Variants in TENM3 observed in about 807,000 individuals in gnomAD.
TENM3 encodes the protein teneurin-3.
In TENM3, 63 loss-of-function variants were observed where a neutral mutation model predicts 255.1. The observed-to-expected ratio is 0.25, with a 90% CI of 0.20 to 0.30. TENM3 has a LOEUF of 0.30. Ranked by LOEUF, TENM3 falls within the 10% of genes least tolerant of loss-of-function variation. The pLI, the probability that TENM3 is intolerant of heterozygous loss-of-function variation, is 1.00. For missense variants in TENM3, 2,929 were observed against 3,461.1 expected (o/e 0.85, Z 3.86); for synonymous variants, 1,306 against 1,322.3 (o/e 0.99, Z 0.27).
chr4:182,559,884 T>C (rs895225644), intron 3 of TENM3, among the ~76,000 whole-genome samples: 3 of 152,092 alleles, frequency 2.0e-5, no homozygotes, highest in African/African-American at 4.8e-5. Context: ...AATAATAATT[T>C]AATTGTACAT....
At chr4:182,236,304 C>T (rs1401846096) in intron 1 of TENM3, among the ~76,000 whole-genome samples, 1 of 152,140 alleles carries the variant, frequency 6.6e-6, no homozygotes, top group Admixed American at 6.5e-5. Context: ...TAAAGAATGC[C>T]TCCTGATAGA....
chr4:182,101,107 GAA>G, the TENM3 span, among the ~76,000 whole-genome samples: 9 of 44,858 alleles, frequency 2.0e-4, no homozygotes, highest in South Asian at 9.3e-4. Flanking sequence ...AGGGAGGGAG[GAA>G]GGAAAGAAGG....
the TENM3 span, among the ~76,000 whole-genome samples, chr4:182,096,889 G>A: frequency 6.6e-6 from 1 of 152,148 alleles, no homozygotes; most frequent in Non-Finnish European, 1.5e-5. Flanking sequence ...TGAAAGGGAT[G>A]GTGGAGAAAT....
the TENM3 span, among the ~76,000 whole-genome samples, chr4:181,911,138 G>A: frequency 2.6e-5 from 4 of 152,258 alleles, no homozygotes; most frequent in Admixed American, 6.5e-5. Flanking sequence ...GAGAAAAAGC[G>A]GGTAATTTGG....
chr4:181,577,653 T>C, the TENM3 span, among the ~76,000 whole-genome samples: 22 of 152,312 alleles, frequency 1.4e-4, no homozygotes, highest in African/African-American at 5.1e-4. Flanking sequence ...GCTGTATTGA[T>C]GATACACTGA....
the TENM3 span, among the ~76,000 whole-genome samples, chr4:181,962,391 C>T: frequency 6.6e-6 from 1 of 152,122 alleles, no homozygotes; most frequent in Non-Finnish European, 1.5e-5. Context: ...CAGGGTCTGC[C>T]CTCTCTGTTG....
intron 3 of TENM3, among the ~76,000 whole-genome samples, chr4:182,538,917 T>C (rs1420431518): frequency 5.3e-5 from 8 of 151,916 alleles, no homozygotes; most frequent in Admixed American, 2.6e-4. Context: ...GTTGTGAACA[T>C]TCTGAAGTTG....
chr4:181,912,542 C>G, the TENM3 span, among the ~76,000 whole-genome samples: 1 of 152,082 alleles, frequency 6.6e-6, no homozygotes, highest in Admixed American at 6.5e-5. Flanking sequence ...AATCCCAACA[C>G]TTTGAGAGGC....
Position 182,556,260 on chromosome 4 carries a change from A to G in TENM3, c.512-44664A>G, listed in dbSNP as rs114315527. Among the ~76,000 whole-genome samples the G allele has an allele frequency of 5.0e-3, 768 of 152,328 alleles. 6 individuals are homozygous for G. The highest frequency in any genetic ancestry group is 0.018 in the African/African-American group (731 of 41,580). On this transcript the variant is annotated intron_variant, in intron 3 of 27. Transcript: ENST00000511685. Reference sequence around the variant, plus strand: ...TTTACTTCGGTTGGCTGAGATTGCAATGCACACAGGCACTGCTCATTCTTG... The same window carrying G: ...TTTACTTCGGTTGGCTGAGATTGCAGTGCACACAGGCACTGCTCATTCTTG...
At chr4:182,316,153 A>G (rs1288811280) in intron 1 of TENM3, among the ~76,000 whole-genome samples, 1 of 152,122 alleles carries the variant, frequency 6.6e-6, no homozygotes, top group African/African-American at 2.4e-5. Flanking sequence ...ATCTTGTTGA[A>G]TGATGGATAT....
intron 3 of TENM3, among the ~76,000 whole-genome samples, chr4:182,594,188 A>T (rs893550405): frequency 6.6e-6 from 1 of 151,548 alleles, no homozygotes; most frequent in African/African-American, 2.4e-5. Context: ...TTTGATTTTT[A>T]TTTTTTTTAG....
chr4:182,138,823 C>A, the TENM3 span, among the ~76,000 whole-genome samples: 51,931 of 151,740 alleles, frequency 0.34, 9,233 homozygotes, highest in Non-Finnish European at 0.41. Flanking sequence ...CTTTACTTCG[C>A]ATTATGATTC....
the TENM3 span, chr4:181,820,030 T>A: frequency 6.6e-6 from 1 of 152,118 alleles, no homozygotes; most frequent in African/African-American, 2.4e-5. Flanking sequence ...CTTTAATAAA[T>A]TAGGTTTATA....
intron 4 of TENM3, among the ~76,000 whole-genome samples, chr4:182,609,227 G>A (rs1206371754): frequency 6.6e-6 from 1 of 152,178 alleles, no homozygotes; most frequent in Non-Finnish European, 1.5e-5. Flanking sequence ...CCAAAGTGCT[G>A]GTATTACAGG....
chr4:182,566,776 A>T (rs917537766), intron 3 of TENM3, among the ~76,000 whole-genome samples: 34 of 152,298 alleles, frequency 2.2e-4, no homozygotes, highest in African/African-American at 7.7e-4. Flanking sequence ...TTTAATCTAA[A>T]GCTGTTTTCA....
At chr4:182,157,884 G>C (rs1158973685) in intron 1 of TENM3, among the ~76,000 whole-genome samples, 1 of 152,116 alleles carries the variant, frequency 6.6e-6, no homozygotes, top group East Asian at 1.9e-4. Context: ...CAATGAATTT[G>C]GCCAGATTAT....
At chr4:182,116,051 C>T in the TENM3 span, among the ~76,000 whole-genome samples, 1 of 151,050 alleles carries the variant, frequency 6.6e-6, no homozygotes, top group East Asian at 2.0e-4. Flanking sequence ...ATCATTATTA[C>T]CCAAAGTCCA....
the TENM3 span, among the ~76,000 whole-genome samples, chr4:181,675,944 G>A: frequency 6.6e-6 from 1 of 152,022 alleles, no homozygotes; most frequent in African/African-American, 2.4e-5. Context: ...AAACACCTTA[G>A]AAAAGAGTAC....
the TENM3 span, among the ~76,000 whole-genome samples, chr4:181,738,846 A>G: frequency 6.6e-6 from 1 of 152,036 alleles, no homozygotes; most frequent in Non-Finnish European, 1.5e-5. Context: ...TTAATCAATA[A>G]TGTATCTATT....
Sources: gnomAD v4.1 joint callset for allele counts (sites outside exome capture counted in the v4.1 genomes callset) on GRCh38, gnomAD v4.1.1 for gene constraint, MANE v1.5 for transcripts, NCBI Gene and HGNC (gene_info 2026-07-23, HGNC 2026-07-21) for gene names.